The following NEDD9 variants were observed in gnomAD, a reference collection of about 807,000 sequenced individuals.
NEDD9 encodes neural precursor cell expressed, developmentally down-regulated 9.
A neutral mutation model predicts 76.6 loss-of-function variants in NEDD9; 26 were observed. The observed-to-expected ratio is 0.34, with a 90% CI of 0.25 to 0.47. The LOEUF (loss-of-function observed/expected upper bound fraction) is 0.47, where lower values mean the gene tolerates loss of function less well. NEDD9 is among the 20% of genes least tolerant of loss of function. The pLI is 1.00. For missense variants in NEDD9, 937 were observed against 1,058.5 expected (o/e 0.89, Z 1.59); for synonymous variants, 392 against 414.2 (o/e 0.95, Z 0.65).
At chr6:11,185,907 C>G (rs1757969267) in intron 6 of NEDD9, among the ~76,000 whole-genome samples, 1 of 152,210 alleles carries the variant, frequency 6.6e-6, no homozygotes, top group African/African-American at 2.4e-5. Flanking sequence ...CTCTTGTACC[C>G]TCTGGCTAGA....
intron 2 of NEDD9, among the ~76,000 whole-genome samples, chr6:11,312,963 CA>C (rs1272185881): frequency 6.6e-6 from 1 of 152,124 alleles, no homozygotes; most frequent in Non-Finnish European, 1.5e-5. Context: ...AGACAATGTC[CA>C]AAATTCTTAA....
At chr6:11,223,966 C>A (rs1209285541) in intron 1 of NEDD9, among the ~76,000 whole-genome samples, 1 of 152,208 alleles carries the variant, frequency 6.6e-6, no homozygotes, top group Non-Finnish European at 1.5e-5. Flanking sequence ...ATGACAGTCT[C>A]TAGAGTGACC....
intron 2 of NEDD9, among the ~76,000 whole-genome samples, chr6:11,212,298 A>G (rs778221323): frequency 1.3e-5 from 2 of 152,124 alleles, no homozygotes; most frequent in Non-Finnish European, 2.9e-5. Flanking sequence ...GAAAGAGAAA[A>G]TCCCTCCTTT....
At chr6:11,257,288 T>C (rs1486708335) in intron 3 of NEDD9, among the ~76,000 whole-genome samples, 1 of 152,198 alleles carries the variant, frequency 6.6e-6, no homozygotes, top group Non-Finnish European at 1.5e-5. Flanking sequence ...ACCCACCACC[T>C]TCAGTTTTGA....
chr6:11,260,532 T>C (rs1185458500), intron 3 of NEDD9, among the ~76,000 whole-genome samples: 4 of 152,366 alleles, frequency 2.6e-5, no homozygotes, highest in Middle Eastern at 3.4e-3. Flanking sequence ...AGAGTAAGTG[T>C]TCATGAAATG....
chr6:11,253,303 C>T (rs976878657), intron 3 of NEDD9, among the ~76,000 whole-genome samples: 8 of 152,168 alleles, frequency 5.3e-5, no homozygotes, highest in African/African-American at 7.2e-5. Flanking sequence ...AAGGCCTCCC[C>T]GCTTGTAGGA....
Position 11,193,368 on chromosome 6 carries a change from C to T in NEDD9, c.561+223G>A, listed in dbSNP as rs190364358. 1.6e-4 allele frequency among the ~76,000 whole-genome samples: 24 copies of T among 149,898 alleles called. No homozygotes were observed. The East Asian group carries it at 4.5e-3, about 28-fold the overall frequency. On this transcript the variant is annotated intron_variant, in intron 3 of 6. Transcript: ENST00000379446. ...TTTCTGAAGCAAAATTGTAGAAGAA[C>T]ATAAGCTCTCTTGGGTGAAATACTA...
intron 3 of NEDD9, among the ~76,000 whole-genome samples, chr6:11,254,988 C>T (rs1420278839): frequency 2.0e-5 from 3 of 152,192 alleles, no homozygotes; most frequent in African/African-American, 7.2e-5. Context: ...TCTCTTTTCT[C>T]AAGGAGTTCA....
chr6:11,302,497 T>A (rs1385188401), intron 3 of NEDD9, among the ~76,000 whole-genome samples: 1 of 152,088 alleles, frequency 6.6e-6, no homozygotes, highest in Non-Finnish European at 1.5e-5. Context: ...AAAAGGGGAA[T>A]CCTCCCTAAC....
At chr6:11,235,365 T>A (rs778603240), upstream of NEDD9, among the ~76,000 whole-genome samples, 11 of 152,180 alleles carry the variant, frequency 7.2e-5, no homozygotes, top group Non-Finnish European at 1.3e-4. This position sits in a 1 kb window ranked among gnomAD's most constrained non-coding sequence, Gnocchi z 4.1. Flanking sequence ...GTGCCATTCT[T>A]TCATAAGGCA....
chr6:11,254,458 TA>T (rs895806489), intron 3 of NEDD9, among the ~76,000 whole-genome samples: 1 of 152,200 alleles, frequency 6.6e-6, no homozygotes, highest in African/African-American at 2.4e-5. Flanking sequence ...CCTGTATTTT[TA>T]AAAATTAAAT....
At chr6:11,199,028 C>T (rs924717095) in intron 2 of NEDD9, 6 of 152,348 alleles carry the variant, frequency 3.9e-5, no homozygotes, top group African/African-American at 1.4e-4. Flanking sequence ...GGATGGTTTC[C>T]TTTTCCCCAG....
chr6:11,352,485 G>A (rs1016793265), intron 1 of NEDD9: 1 of 152,060 alleles, frequency 6.6e-6, no homozygotes, highest in Non-Finnish European at 1.5e-5. Context: ...ATAATCATTT[G>A]GTTTCTTTAT....
intron 2 of NEDD9, among the ~76,000 whole-genome samples, chr6:11,307,946 T>G (rs1761239771): frequency 6.6e-6 from 1 of 152,116 alleles, no homozygotes; most frequent in Admixed American, 6.5e-5. Context: ...AAGAGGTCTG[T>G]GGGGCCAAGA....
At chr6:11,258,579 TC>T (rs1465449457) in intron 3 of NEDD9, 1 of 152,178 alleles carries the variant, frequency 6.6e-6, no homozygotes, top group Non-Finnish European at 1.5e-5. Context: ...TCTCCTGTAA[TC>T]TGAACTACAG....
Position 11,264,170 on chromosome 6 carries a change from C to T in NEDD9, c.12+41822G>A, listed in dbSNP as rs1050533870. 5.3e-5 allele frequency among the ~76,000 whole-genome samples: 8 copies of T among 152,168 alleles called. No homozygotes were observed. The South Asian group carries it at 6.2e-4, about 12-fold the overall frequency. On this transcript the variant is annotated intron_variant, in intron 3 of 3. Coordinates refer to the NEDD9 transcript ENST00000397378. ...GTAGATGGAGAAGGGGCTTTGCAAC[C>T]GGCTACCTCCCCACTGGAAATGCAG... is the stretch of plus-strand genomic sequence containing the variant.
intron 3 of NEDD9, chr6:11,249,147 C>A: frequency 2.2e-6 from 1 of 455,964 alleles, no homozygotes; most frequent in Non-Finnish European, 4.4e-6. Context: ...ACATTTAAAC[C>A]AATGGACTTT....
chr6:11,323,636 C>T (rs888522719), intron 2 of NEDD9, among the ~76,000 whole-genome samples: 16 of 152,294 alleles, frequency 1.1e-4, no homozygotes, highest in African/African-American at 3.6e-4. Context: ...AACTGTCTGG[C>T]CCCAAATGTT....
At chr6:11,366,552 G>T (rs566348450) in intron 1 of NEDD9, among the ~76,000 whole-genome samples, 1 of 152,270 alleles carries the variant, frequency 6.6e-6, no homozygotes, top group South Asian at 2.1e-4. Context: ...TTTTCTCATG[G>T]GATAGCCATT....
Sources: allele counts gnomAD v4.1 joint callset (sites outside exome capture counted in the v4.1 genomes callset), GRCh38; gene constraint gnomAD v4.1.1; non-coding constraint Gnocchi (gnomAD v3.1); transcripts MANE v1.5; gene names NCBI Gene and HGNC (gene_info 2026-07-23, HGNC 2026-07-21).